Variants in STRADB observed in about 807,000 individuals in gnomAD.
STRADB encodes STE20-related kinase adapter protein beta.
A neutral mutation model predicts 52.1 loss-of-function variants in STRADB; 34 were observed. The ratio of observed to expected loss-of-function variants is 0.65; its 90% CI spans 0.50 to 0.87. The LOEUF (loss-of-function observed/expected upper bound fraction) is 0.87, where lower values mean the gene tolerates loss of function less well. STRADB is among the 40% of genes least tolerant of loss of function. The probability of loss-of-function intolerance (pLI) is 0.00; values close to 1 mark genes in which losing one functional copy is unlikely to be tolerated. For synonymous variants in STRADB, 133 were observed against 174.5 expected (o/e 0.76, Z 1.87); for missense variants, 340 against 483.9 (o/e 0.70, Z 2.79).
chr2:201,467,873 T>C (rs924274155), intron 3 of STRADB, among the ~76,000 whole-genome samples: 1 of 152,138 alleles, frequency 6.6e-6, no homozygotes, highest in Non-Finnish European at 1.5e-5. Flanking sequence ...TAGCTCAATA[T>C]TGTGCTTTTA....
At position 201,477,058 on chromosome 2, in the gene STRADB, T is replaced by TG. The variant is rs1176507587; in HGVS notation, c.549-561_549-560insG. On this transcript the variant is annotated intron_variant, in intron 7 of 11. Transcript: ENST00000194530. ...GTTTGAAAAAATATTATCAGTTTTT[T>TG]TTTTTTTTTTTTTTTTTTTTGAGAC... 5.2e-5 allele frequency among the ~76,000 whole-genome samples: 5 copies of TG among 95,570 alleles called. No homozygotes were observed. The South Asian group carries it at 1.2e-3, about 23-fold the overall frequency. The allele number at this position is 95,570 out of a possible 152,430, so 62.7% of individuals were successfully genotyped here.
At chr2:201,477,569 T>A (rs759939098) in intron 7 of STRADB, 50 bp from the exon 8 acceptor site, 1 of 1,535,192 alleles carries the variant, frequency 6.5e-7, no homozygotes, top group South Asian at 1.2e-5. Flanking sequence ...TTTTATTCTT[T>A]CTTCATTGGC....
chr2:201,472,729 A>G (rs1952409866), intron 4 of STRADB: 1 of 342,064 alleles, frequency 2.9e-6, no homozygotes, highest in Non-Finnish European at 5.3e-6. Flanking sequence ...TCATAGGCAT[A>G]TTGGCTGTTC....
rs373664603 is a variant in STRADB at position 201,479,512 on chromosome 2, C to T, written c.1094C>T (p.Ser365Phe). The change falls in exon 11 of 12, where the codon TCC becomes TTC. Residue 365 changes from serine to phenylalanine, a missense_variant. Ser to Phe is a radical substitution (Grantham distance 155). Transcript: ENST00000194530. ...AGGCCATCAGCAAGCAGTTTATTGTCCCATGTTTTCTTCAAACAGGTGAGC... is the reference window on the plus strand; with the variant it reads ...AGGCCATCAGCAAGCAGTTTATTGTTCCATGTTTTCTTCAAACAGGTGAGC... Reference protein sequence around the residue: ...EKRPSASSLLSHVFFKQMKEE... With the variant: ...EKRPSASSLLFHVFFKQMKEE... 21 of 1,602,950 alleles carry T rather than the reference C, an allele frequency of 1.3e-5. No homozygotes were observed. The highest frequency in any genetic ancestry group is 1.7e-5 in the Non-Finnish European group (20 of 1,177,604).
Position 201,480,545 on chromosome 2 carries a change from C to T in STRADB, c.*370C>T, listed in dbSNP as rs1232892255. 2 of 1,010,212 alleles carry T rather than the reference C, an allele frequency of 2.0e-6. No homozygotes were observed. Among genetic ancestry groups the T allele is most frequent in the South Asian group, 4.2e-5 (1 of 23,638 alleles). 62.6% of individuals were successfully genotyped at this position (1,010,212 alleles called of 1,614,324 possible). ...AGGACAGTGCTTCCAAGTACATCTTCTCCCAGATTCTCTGGCCTTTTTAAT... is the reference window on the plus strand; with the variant it reads ...AGGACAGTGCTTCCAAGTACATCTTTTCCCAGATTCTCTGGCCTTTTTAAT... On this transcript the variant is annotated 3_prime_UTR_variant, in exon 12 of 12. Transcript: ENST00000194530.
At chr2:201,469,862 G>C in intron 3 of STRADB, 91 bp from the exon 4 acceptor site, 1 of 915,080 alleles carries the variant, frequency 1.1e-6, no homozygotes, top group Non-Finnish European at 1.7e-6. Context: ...GAGCACCTCT[G>C]TGTTTGAAAA....
At chr2:201,474,532 G>C in intron 5 of STRADB, 115 bp from the exon 6 acceptor site, 1 of 745,062 alleles carries the variant, frequency 1.3e-6, no homozygotes, top group Non-Finnish European at 2.2e-6. Context: ...AAAGCACTAA[G>C]AACAGTGCTT....
At chr2:201,476,506 A>T (rs1031728073) in intron 7 of STRADB, among the ~76,000 whole-genome samples, 1 of 151,952 alleles carries the variant, frequency 6.6e-6, no homozygotes, top group African/African-American at 2.4e-5. Context: ...GTATCGAAAA[A>T]CAAGGCTCTT....
chr2:201,470,138 C>A, intron 4 of STRADB, 86 bp downstream of exon 4: 2 of 957,782 alleles, frequency 2.1e-6, no homozygotes, highest in Non-Finnish European at 3.3e-6. Flanking sequence ...AAGTGTTTTT[C>A]TGTTGTTACC....
chr2:201,454,988 G>C, intron 2 of STRADB, 136 bp downstream of exon 2: 1 of 696,516 alleles, frequency 1.4e-6, no homozygotes. Flanking sequence ...TTGACTTCTG[G>C]ACTTGAGAAA....
intron 3 of STRADB, among the ~76,000 whole-genome samples, chr2:201,463,214 G>A (rs1952244820): frequency 6.6e-6 from 1 of 151,258 alleles, no homozygotes; most frequent in African/African-American, 2.4e-5. Flanking sequence ...GCACACGCCT[G>A]TAATCCCGCC....
chr2:201,472,942 T>C lies in STRADB; in HGVS notation c.194-13T>C, dbSNP rs746297721. 3.1e-6 allele frequency: 5 copies of C among 1,592,328 alleles called. No homozygotes were observed. In the South Asian group the frequency reaches 5.8e-5, roughly 19 times the overall value. ...TCTTTGGTTACTAACATGAGTTTTA[T>C]GTCTGATTACAGGAAGAGGATTTGA... is the stretch of plus-strand genomic sequence containing the variant. On this transcript the variant is annotated splice_polypyrimidine_tract_variant and intron_variant, in intron 4 of 11. Coordinates refer to ENST00000194530, the MANE Select transcript of STRADB (RefSeq NM_018571.6).
At chr2:201,460,555 T>C (rs983855245) in intron 3 of STRADB, among the ~76,000 whole-genome samples, 11 of 152,276 alleles carry the variant, frequency 7.2e-5, no homozygotes, top group Non-Finnish European at 1.5e-4. Context: ...GCCTCTATTC[T>C]CTATCTCCAT....
rs188584416 is a variant in STRADB at position 201,479,383 on chromosome 2, G to A, written c.1071-106G>A. On this transcript the variant is annotated intron_variant, in intron 10 of 11. Transcript: ENST00000194530. ...ACATACATTCTTTTTAATCTTTTTC[G>A]TATTGGGTTTTATAGCACTAAACCT... The A allele has an allele frequency of 8.6e-4, 826 of 964,348 alleles. 4 individuals are homozygous for A. Among genetic ancestry groups the A allele is most frequent in the Non-Finnish European group, 4.8e-4 (309 of 646,454 alleles). The allele number at this position is 964,348 out of a possible 1,614,324, so 59.7% of individuals were successfully genotyped here.
At chr2:201,474,867 T>G (rs1952447467) in intron 6 of STRADB, 112 bp downstream of exon 6, 2 of 817,446 alleles carry the variant, frequency 2.4e-6, no homozygotes, top group East Asian at 2.9e-5. Context: ...GTCTAATGAC[T>G]GATTTTAGAT....
At chr2:201,454,956 C>G in intron 2 of STRADB, 104 bp downstream of exon 2, 4 of 1,035,340 alleles carry the variant, frequency 3.9e-6, no homozygotes, top group Non-Finnish European at 5.7e-6. Context: ...TTCTTATGCT[C>G]TGAGATATTG....
chr2:201,476,895 T>C (rs1346210244), intron 7 of STRADB, among the ~76,000 whole-genome samples: 2 of 131,854 alleles, frequency 1.5e-5, no homozygotes, highest in Non-Finnish European at 3.1e-5. Flanking sequence ...GGCAGGAGAA[T>C]CACTTGAACC....
intron 3 of STRADB, among the ~76,000 whole-genome samples, chr2:201,463,344 A>AAAG (rs1952247372): frequency 1.3e-5 from 2 of 151,836 alleles, no homozygotes; most frequent in South Asian, 4.2e-4. Flanking sequence ...AAAAAAAAAA[A>AAAG]AAAAGGTTTT....
intron 7 of STRADB, among the ~76,000 whole-genome samples, chr2:201,477,125 T>C (rs1952490287): frequency 8.8e-6 from 1 of 113,832 alleles, no homozygotes; most frequent in African/African-American, 3.3e-5. Flanking sequence ...AGTGCAGTGG[T>C]GCAATCTTGG....
Sources: allele counts gnomAD v4.1 joint callset (sites outside exome capture counted in the v4.1 genomes callset), GRCh38; gene constraint gnomAD v4.1.1; transcripts MANE v1.5; gene names NCBI Gene and HGNC (gene_info 2026-07-23, HGNC 2026-07-21).